The following LRP1B variants were observed in gnomAD, a reference collection of about 807,000 sequenced individuals.
The protein encoded by LRP1B is low-density lipoprotein receptor-related protein 1B.
In LRP1B, 217 loss-of-function variants were observed where a neutral mutation model predicts 556.6. The ratio of observed to expected loss-of-function variants is 0.39; its 90% CI spans 0.35 to 0.44. LRP1B has a LOEUF of 0.44. Among genes scored for constraint, LRP1B ranks in the 20% least tolerant of loss-of-function variants. The probability of loss-of-function intolerance (pLI) is 1.00; values close to 1 mark genes in which losing one functional copy is unlikely to be tolerated. For missense variants in LRP1B, 5,053 were observed against 5,620.8 expected (o/e 0.90, Z 3.23); for synonymous variants, 2,047 against 1,865.8 (o/e 1.10, Z -2.50).
At chr2:140,588,247 G>C (rs963950555) in intron 43 of LRP1B, among the ~76,000 whole-genome samples, 19 of 152,272 alleles carry the variant, frequency 1.2e-4, no homozygotes, top group African/African-American at 4.6e-4. Context: ...ATCTAACACT[G>C]TTGTGTGCAG....
intron 32 of LRP1B, among the ~76,000 whole-genome samples, chr2:140,785,041 A>C (rs1689847204): frequency 6.6e-6 from 1 of 152,168 alleles, no homozygotes; most frequent in South Asian, 2.1e-4. Flanking sequence ...AAAGAGAGAA[A>C]AAAAAGATTC....
At chr2:142,029,505 A>C (rs1488788769) in intron 1 of LRP1B, among the ~76,000 whole-genome samples, 1 of 151,836 alleles carries the variant, frequency 6.6e-6, no homozygotes, top group Non-Finnish European at 1.5e-5. Context: ...TTTACTCTCA[A>C]ATTATTTCTA....
chr2:141,306,774 T>C (rs1249079187), intron 3 of LRP1B, among the ~76,000 whole-genome samples: 1 of 152,122 alleles, frequency 6.6e-6, no homozygotes, highest in East Asian at 1.9e-4. Flanking sequence ...CTATTCACAA[T>C]ACTTTTGCTA....
At chr2:141,295,788 CACAT>C (rs986261942) in intron 3 of LRP1B, among the ~76,000 whole-genome samples, 21 of 142,726 alleles carry the variant, frequency 1.5e-4, no homozygotes, top group Admixed American at 3.5e-4. Context: ...CACACACACA[CACAT>C]AACAGTGGGG....
intron 79 of LRP1B, among the ~76,000 whole-genome samples, chr2:140,329,089 A>G (rs755339756): frequency 6.6e-5 from 10 of 152,172 alleles, no homozygotes; most frequent in Admixed American, 2.0e-4. Flanking sequence ...AAACTCATGT[A>G]ATACTACATA....
At chr2:140,518,198 T>C (rs759798505) in intron 49 of LRP1B, among the ~76,000 whole-genome samples, 3 of 152,114 alleles carry the variant, frequency 2.0e-5, no homozygotes, top group Non-Finnish European at 4.4e-5. Flanking sequence ...TATGTTGACT[T>C]TGTAGATGTA....
At chr2:140,395,404 G>A (rs892883394) in intron 66 of LRP1B, among the ~76,000 whole-genome samples, 2 of 152,130 alleles carry the variant, frequency 1.3e-5, no homozygotes, top group Non-Finnish European at 2.9e-5. Flanking sequence ...GTTAACCTAC[G>A]TTGTAAAGTG....
At position 140,962,654 on chromosome 2, in the gene LRP1B, A is replaced by T. The variant is rs573146190; in HGVS notation, c.2888-10714T>A. 1.2e-4 allele frequency among the ~76,000 whole-genome samples: 18 copies of T among 152,298 alleles called. 1 individual carries two copies. Among genetic ancestry groups the T allele is most frequent in the African/African-American group, 3.8e-4 (16 of 41,574 alleles). Reference sequence around the variant, plus strand: ...TTTCACTCACCTCAGGCCTGCTCAAATTCTAGAAAGATTTCATCAAAGCAA... The same window carrying T: ...TTTCACTCACCTCAGGCCTGCTCAATTTCTAGAAAGATTTCATCAAAGCAA... On this transcript the variant is annotated intron_variant, in intron 18 of 90. Coordinates refer to ENST00000389484, the MANE Select transcript of LRP1B (RefSeq NM_018557.3).
At chr2:141,362,969 A>G (rs955410039) in intron 3 of LRP1B, among the ~76,000 whole-genome samples, 1 of 152,162 alleles carries the variant, frequency 6.6e-6, no homozygotes, top group Non-Finnish European at 1.5e-5. Context: ...TAATCTTCCT[A>G]TATCACAACA....
intron 86 of LRP1B, among the ~76,000 whole-genome samples, chr2:140,266,128 C>A (rs905330557): frequency 1.3e-5 from 2 of 151,314 alleles, no homozygotes; most frequent in African/African-American, 4.9e-5. Context: ...TCCTCTAGAT[C>A]CTACTTACTG....
At position 140,618,307 on chromosome 2, in the gene LRP1B, TA is replaced by T. The variant is rs376514270; in HGVS notation, c.6800-16669del. Reference sequence around the variant, plus strand: ...AATATCTAGGGCTAAAATAAAGTAATAATAGGAAAGAGTCACAAATATCAAA... The same window carrying T: ...AATATCTAGGGCTAAAATAAAGTAATATAGGAAAGAGTCACAAATATCAAA... On this transcript the variant is annotated intron_variant, in intron 41 of 90. Transcript: ENST00000389484. Among the ~76,000 whole-genome samples, 39 of 151,886 alleles carry T rather than the reference TA, an allele frequency of 2.6e-4. No homozygotes were observed. The East Asian group carries it at 3.7e-3, about 14-fold the overall frequency.
At position 140,334,449 on chromosome 2, in the gene LRP1B, A is replaced by T. The variant is rs2105083055; in HGVS notation, c.12223+4T>A. On this transcript the variant is annotated splice_donor_region_variant and intron_variant, in intron 79 of 90. Coordinates refer to ENST00000389484, the MANE Select transcript of LRP1B (RefSeq NM_018557.3). ...CATATTTTAGCGTGTGTCAGAAATC[A>T]TACCTGTGGGTCTCTGTAAGTTCTT... is the stretch of plus-strand genomic sequence containing the variant. 6.4e-7 allele frequency: 1 copy of T among 1,571,150 alleles called. No individual in the cohort carries two copies. The highest frequency in any genetic ancestry group is 8.8e-7 in the Non-Finnish European group (1 of 1,141,600).
At chr2:142,059,166 T>G (rs1244559124) in intron 1 of LRP1B, among the ~76,000 whole-genome samples, 12 of 152,064 alleles carry the variant, frequency 7.9e-5, no homozygotes, top group Non-Finnish European at 1.6e-4. Flanking sequence ...GAAGTGATTG[T>G]GAATGGGCAC....
chr2:140,459,666 A>T (rs534570498), intron 60 of LRP1B, among the ~76,000 whole-genome samples: 8 of 152,272 alleles, frequency 5.3e-5, no homozygotes, highest in African/African-American at 1.7e-4. Context: ...ATTTTATTTA[A>T]TACTCTCAAA....
At position 142,094,821 on chromosome 2, in the gene LRP1B, C is replaced by T. The variant is rs545663469; in HGVS notation, c.82+35827G>A. Among the ~76,000 whole-genome samples the T allele has an allele frequency of 7.9e-5, 12 of 151,628 alleles. No homozygotes were observed. In the South Asian group the frequency reaches 1.9e-3, roughly 24 times the overall value. On this transcript the variant is annotated intron_variant, in intron 1 of 90. Coordinates refer to ENST00000389484, the MANE Select transcript of LRP1B (RefSeq NM_018557.3). Reference sequence around the variant, plus strand: ...GTAATAAATATTTAGTAATAAATTTCGTTAGCACTTAAAGTCAGTTTCCTT... The same window carrying T: ...GTAATAAATATTTAGTAATAAATTTTGTTAGCACTTAAAGTCAGTTTCCTT...
intron 3 of LRP1B, among the ~76,000 whole-genome samples, chr2:141,275,419 C>T (rs939714848): frequency 6.6e-6 from 1 of 151,990 alleles, no homozygotes; most frequent in African/African-American, 2.4e-5. Flanking sequence ...TCAGGAAATA[C>T]CAGTAATGGT....
intron 7 of LRP1B, among the ~76,000 whole-genome samples, chr2:141,093,838 C>T (rs565661486): frequency 6.6e-6 from 1 of 152,188 alleles, no homozygotes; most frequent in South Asian, 2.1e-4. Context: ...TCTCAGCCTC[C>T]CAAGTAGCTG....
At chr2:141,646,010 T>A (rs2105371774) in intron 2 of LRP1B, among the ~76,000 whole-genome samples, 1 of 152,270 alleles carries the variant, frequency 6.6e-6, no homozygotes, top group Middle Eastern at 3.4e-3. Context: ...TCAGAAACTT[T>A]CTGCCAGCAT....
At chr2:141,002,342 G>A (rs949017555) in intron 15 of LRP1B, among the ~76,000 whole-genome samples, 1 of 151,968 alleles carries the variant, frequency 6.6e-6, no homozygotes, top group Non-Finnish European at 1.5e-5. Flanking sequence ...GTTCAGCCAA[G>A]AATTAATATG....
Sources: gnomAD v4.1 joint callset for allele counts (sites outside exome capture counted in the v4.1 genomes callset) on GRCh38, gnomAD v4.1.1 for gene constraint, MANE v1.5 for transcripts, NCBI Gene and HGNC (gene_info 2026-07-23, HGNC 2026-07-21) for gene names.